Variants in CCDC178 observed in about 807,000 individuals in gnomAD.
The protein encoded by CCDC178 is coiled-coil domain-containing protein 178.
Under a neutral mutation model 117.4 loss-of-function variants are expected in CCDC178, and 126 were observed. That is an observed-to-expected ratio of 1.07 (90% CI 0.93 to 1.24). The LOEUF (loss-of-function observed/expected upper bound fraction) is 1.24, where lower values mean the gene tolerates loss of function less well. Ranked by LOEUF, CCDC178 falls within the 50% of genes most tolerant of loss-of-function variation. CCDC178 has a pLI of 0.00. For synonymous variants in CCDC178, 283 were observed against 313.4 expected (o/e 0.90, Z 1.02); for missense variants, 1,030 against 986.9 (o/e 1.04, Z -0.59).
At chr18:33,419,040 T>C (rs771989504) in intron 2 of CCDC178, among the ~76,000 whole-genome samples, 1 of 151,966 alleles carries the variant, frequency 6.6e-6, no homozygotes, top group Admixed American at 6.6e-5. Flanking sequence ...CTTCAAACTA[T>C]ACTACAAGGC....
At chr18:33,014,122 G>A (rs117482708) in intron 21 of CCDC178, among the ~76,000 whole-genome samples, 6 of 152,072 alleles carry the variant, frequency 3.9e-5, no homozygotes, top group African/African-American at 1.4e-4. Context: ...TCAACTCCTC[G>A]TAAACCTGGA....
chr18:32,998,050 C>T (rs767468977), intron 21 of CCDC178, among the ~76,000 whole-genome samples: 3 of 152,176 alleles, frequency 2.0e-5, no homozygotes, highest in Non-Finnish European at 2.9e-5. Context: ...GTTTTAATTT[C>T]ATAGCACAGA....
At chr18:33,347,341 A>C (rs1308470683) in intron 8 of CCDC178, among the ~76,000 whole-genome samples, 1 of 152,186 alleles carries the variant, frequency 6.6e-6, no homozygotes, top group Non-Finnish European at 1.5e-5. Context: ...TTTCTGCTAG[A>C]TGGGAGTATT....
intron 21 of CCDC178, among the ~76,000 whole-genome samples, chr18:33,071,923 T>C (rs1377413454): frequency 1.3e-5 from 2 of 151,904 alleles, no homozygotes; most frequent in Non-Finnish European, 2.9e-5. Flanking sequence ...AATTGAAAGG[T>C]TGAATAATAT....
chr18:33,191,585 T>C (rs1419131887), intron 20 of CCDC178, among the ~76,000 whole-genome samples: 1 of 152,198 alleles, frequency 6.6e-6, no homozygotes, highest in Non-Finnish European at 1.5e-5. Context: ...TCCTGTCTAA[T>C]AACATTAGCA....
chr18:33,156,132 AG>A (rs2058392869), intron 20 of CCDC178, among the ~76,000 whole-genome samples: 1 of 117,430 alleles, frequency 8.5e-6, no homozygotes, highest in Non-Finnish European at 1.6e-5. Flanking sequence ...ACTGTCGCCC[AG>A]GGTGGAGTGC....
intron 21 of CCDC178, among the ~76,000 whole-genome samples, chr18:33,030,836 T>C (rs1016698836): frequency 2.0e-5 from 3 of 152,128 alleles, no homozygotes; most frequent in Non-Finnish European, 4.4e-5. Context: ...TAATAGGGAA[T>C]TGGCTCACAT....
At chr18:33,032,729 T>C (rs982068747) in intron 21 of CCDC178, among the ~76,000 whole-genome samples, 11 of 152,070 alleles carry the variant, frequency 7.2e-5, no homozygotes, top group Non-Finnish European at 1.6e-4. Context: ...TTCAAGAATC[T>C]GGAAGTATTT....
intron 11 of CCDC178, among the ~76,000 whole-genome samples, chr18:33,321,192 T>C (rs571979079): frequency 6.6e-6 from 1 of 152,334 alleles, no homozygotes; most frequent in East Asian, 1.9e-4. Context: ...AAGGACTTCA[T>C]GTCTAAAACA....
chr18:32,954,298 G>T (rs2054549300), intron 22 of CCDC178, among the ~76,000 whole-genome samples: 1 of 151,986 alleles, frequency 6.6e-6, no homozygotes, highest in Non-Finnish European at 1.5e-5. Context: ...GCACTCCACA[G>T]GGTATGATGA....
At chr18:33,087,336 A>G (rs2057394398) in intron 21 of CCDC178, among the ~76,000 whole-genome samples, 2 of 152,196 alleles carry the variant, frequency 1.3e-5, no homozygotes, top group South Asian at 4.1e-4. Context: ...GAGTTTGGAC[A>G]ACAAAAGGTA....
At chr18:33,393,201 G>T (rs2063585169) in intron 4 of CCDC178, among the ~76,000 whole-genome samples, 1 of 152,108 alleles carries the variant, frequency 6.6e-6, no homozygotes, top group Non-Finnish European at 1.5e-5. Context: ...TCATATGTAT[G>T]CCTTATTTTA....
intron 20 of CCDC178, among the ~76,000 whole-genome samples, chr18:33,132,337 T>G (rs867105005): frequency 6.6e-6 from 1 of 151,774 alleles, no homozygotes; most frequent in Non-Finnish European, 1.5e-5. Flanking sequence ...AATGTTTTCA[T>G]GTAATCTAAA....
At chr18:33,012,866 A>C (rs1004993083) in intron 21 of CCDC178, among the ~76,000 whole-genome samples, 1 of 152,192 alleles carries the variant, frequency 6.6e-6, no homozygotes, top group African/African-American at 2.4e-5. Context: ...CCAGTGGCTT[A>C]TCAAGGATGA....
At chr18:33,086,535 T>C (rs1244816504) in intron 21 of CCDC178, among the ~76,000 whole-genome samples, 1 of 151,674 alleles carries the variant, frequency 6.6e-6, no homozygotes, top group Non-Finnish European at 1.5e-5. Flanking sequence ...CAGTAGTAAA[T>C]AGTTTTCCTG....
chr18:33,292,655 G>A (rs1019796091), intron 12 of CCDC178, among the ~76,000 whole-genome samples: 2 of 151,840 alleles, frequency 1.3e-5, no homozygotes, highest in Non-Finnish European at 2.9e-5. Context: ...TTGTATACAG[G>A]TATCAAAATA....
chr18:33,238,294 A>G (rs948477783), intron 15 of CCDC178, among the ~76,000 whole-genome samples: 1 of 152,166 alleles, frequency 6.6e-6, no homozygotes, highest in African/African-American at 2.4e-5. Flanking sequence ...TTCTCCAGTA[A>G]CATACCCCAA....
chr18:33,276,474 T>A (rs1437646129), intron 12 of CCDC178, among the ~76,000 whole-genome samples: 1 of 152,040 alleles, frequency 6.6e-6, no homozygotes, highest in Non-Finnish European at 1.5e-5. Context: ...GCACTGAGGT[T>A]CTCAAATGTT....
At chr18:33,187,622 A>T (rs902723471) in intron 20 of CCDC178, among the ~76,000 whole-genome samples, 4 of 152,182 alleles carry the variant, frequency 2.6e-5, no homozygotes, top group Non-Finnish European at 5.9e-5. Flanking sequence ...TATAAACAAA[A>T]ACTTGCTAGG....
Sources: gnomAD v4.1 joint callset for allele counts (sites outside exome capture counted in the v4.1 genomes callset) on GRCh38, gnomAD v4.1.1 for gene constraint, MANE v1.5 for transcripts, NCBI Gene and HGNC (gene_info 2026-07-23, HGNC 2026-07-21) for gene names.